Variants in PPARG observed in about 807,000 individuals in gnomAD.
The protein encoded by PPARG is peroxisome proliferator-activated receptor gamma.
Under a neutral mutation model 39.2 loss-of-function variants are expected in PPARG, and 17 were observed. That is an observed-to-expected ratio of 0.43 (90% CI 0.30 to 0.65). The LOEUF is 0.65. PPARG is among the 30% of genes least tolerant of loss of function. PPARG has a pLI of 0.13. For synonymous variants in PPARG, 223 were observed against 215.7 expected, an observed-to-expected ratio of 1.03 and a Z score of -0.30; for missense variants, 406 against 585.9, an observed-to-expected ratio of 0.69 and a Z score of 3.17.
Position 12,434,147 on chromosome 3 carries a change from A to G in PPARG, c.*2A>G, listed in dbSNP as rs774217869. On this transcript the variant is annotated 3_prime_UTR_variant, in exon 8 of 8. Transcript: ENST00000651735. This position sits in a 1 kb window ranked among gnomAD's most constrained non-coding sequence, Gnocchi z 4.2. ...GAGATCTACAAGGACTTGTACTAGC[A>G]GAGAGTCCTGAGCCACTGCCAACAT... 1.2e-6 allele frequency: 2 copies of G among 1,614,038 alleles called. No individual in the cohort carries two copies. Among genetic ancestry groups the G allele is most frequent in the African/African-American group, 2.7e-5 (2 of 74,928 alleles).
intron 2 of PPARG, among the ~76,000 whole-genome samples, chr3:12,359,513 C>G (rs1405501817): frequency 1.3e-5 from 2 of 152,024 alleles, no homozygotes; most frequent in Non-Finnish European, 2.9e-5. Context: ...AGTAACTTCC[C>G]AAACACAAGA....
At chr3:12,351,756 A>G in intron 2 of PPARG, 1 of 1,124,290 alleles carries the variant, frequency 8.9e-7, no homozygotes, top group Non-Finnish European at 1.4e-6. Context: ...TTTGTCTTCC[A>G]GGTTGTGTTT....
intron 6 of PPARG, among the ~76,000 whole-genome samples, chr3:12,408,655 C>G (rs1304223943): frequency 6.9e-6 from 1 of 144,752 alleles, no homozygotes; most frequent in East Asian, 2.0e-4. Flanking sequence ...GCCTTGAACT[C>G]GGGGCTCAAG....
chr3:12,365,242 T>C (rs1053641022), intron 2 of PPARG, among the ~76,000 whole-genome samples: 3 of 152,238 alleles, frequency 2.0e-5, no homozygotes, highest in African/African-American at 7.2e-5. Context: ...TCCCAGGCCA[T>C]GGACTGGTAC....
chr3:12,342,136 T>C (rs1288767701), intron 2 of PPARG, among the ~76,000 whole-genome samples: 2 of 152,214 alleles, frequency 1.3e-5, no homozygotes, highest in African/African-American at 4.8e-5. Flanking sequence ...TCCCCTATGG[T>C]ATATTCAAGC....
intron 4 of PPARG, among the ~76,000 whole-genome samples, chr3:12,383,622 C>T (rs2049766421): frequency 6.6e-6 from 1 of 152,084 alleles, no homozygotes. Context: ...TAAGGTTCCA[C>T]AATAAGTTAT....
chr3:12,326,732 T>TAAA (rs67402367), intron 2 of PPARG, among the ~76,000 whole-genome samples: 22 of 148,496 alleles, frequency 1.5e-4, no homozygotes, highest in African/African-American at 5.0e-4. Context: ...GTGAGATATA[T>TAAA]AAAAAAAAAA....
At chr3:12,334,501 G>A (rs934566962) in intron 2 of PPARG, among the ~76,000 whole-genome samples, 2 of 152,078 alleles carry the variant, frequency 1.3e-5, no homozygotes, top group Admixed American at 6.5e-5. Flanking sequence ...AAAGTGTTGG[G>A]ATTACAGGTG....
chr3:12,320,228 A>ATATG (rs889137722), intron 2 of PPARG, among the ~76,000 whole-genome samples: 32 of 152,228 alleles, frequency 2.1e-4, no homozygotes, highest in African/African-American at 6.7e-4. Flanking sequence ...GTGCATATAT[A>ATATG]TATGTATGTA....
intron 5 of PPARG, among the ~76,000 whole-genome samples, chr3:12,403,684 C>T (rs1189816054): frequency 6.6e-6 from 1 of 151,966 alleles, no homozygotes; most frequent in Non-Finnish European, 1.5e-5. Context: ...TTCTTTTTTC[C>T]AAATATTTTC....
chr3:12,393,190 ATTTTTT>A (rs143287325), intron 5 of PPARG, among the ~76,000 whole-genome samples: 1 of 111,520 alleles, frequency 9.0e-6, no homozygotes, highest in Non-Finnish European at 1.8e-5. Context: ...GATTCATTTA[ATTTTTT>A]TTTTTTTTTT....
rs533893815 is a variant in PPARG, at chr3:12,425,501, C to T, written c.1180+8347C>T. Among the ~76,000 whole-genome samples, 196 of 152,256 alleles carry T rather than the reference C, an allele frequency of 1.3e-3. 1 individual carries two copies. The highest frequency in any genetic ancestry group is 4.4e-3 in the African/African-American group (181 of 41,542). Reference sequence around the variant, plus strand: ...GGTATTCCCTTATCTCTTCCTTTCCCTCCCCTTATCCTGCCCAGAGCATCG... The same window carrying T: ...GGTATTCCCTTATCTCTTCCTTTCCTTCCCCTTATCCTGCCCAGAGCATCG... On this transcript the variant is annotated intron_variant, in intron 7 of 7. Transcript: ENST00000651735.
rs899801733 is a variant in PPARG, at chr3:12,354,235, C to G, written c.-8-25469C>G. 2.0e-5 allele frequency among the ~76,000 whole-genome samples: 3 copies of G among 152,126 alleles called. 1 individual carries two copies. In the South Asian group the frequency reaches 6.2e-4, roughly 31 times the overall value. ...CATGTAGTACCAGGGAATATAAGGA[C>G]CAGTCCTTTGTTGGCCACATATTTG... On this transcript the variant is annotated intron_variant, in intron 2 of 7. Transcript: ENST00000651735.
At chr3:12,363,939 G>A (rs986352451) in intron 2 of PPARG, among the ~76,000 whole-genome samples, 3 of 151,806 alleles carry the variant, frequency 2.0e-5, no homozygotes, top group African/African-American at 7.3e-5. Context: ...GAATTGAGTA[G>A]GAAGTACAAA....
At chr3:12,381,838 AAG>A (rs1463500171) in intron 4 of PPARG, among the ~76,000 whole-genome samples, 3 of 152,206 alleles carry the variant, frequency 2.0e-5, no homozygotes, top group Non-Finnish European at 2.9e-5. Flanking sequence ...TTTTTACAAA[AAG>A]GTGACTTCTC....
At chr3:12,385,886 C>T (rs542941011) in intron 4 of PPARG, among the ~76,000 whole-genome samples, 2 of 152,142 alleles carry the variant, frequency 1.3e-5, no homozygotes, top group African/African-American at 4.8e-5. Context: ...ATTCTGAGGT[C>T]TCATTGTCCC....
Position 12,363,516 on chromosome 3 carries a change from T to A in PPARG, c.-8-16188T>A, listed in dbSNP as rs186580723. ...CACATGGTTTGCCAGACTAAACAAC[T>A]CTGAGTAAGAAAGTGGCTTTCCCCC... On this transcript the variant is annotated intron_variant, in intron 2 of 7. Transcript: ENST00000651735. Among the ~76,000 whole-genome samples, 328 of 152,268 alleles carry A rather than the reference T, an allele frequency of 2.2e-3. 3 individuals carry two copies. The highest frequency in any genetic ancestry group is 3.0e-3 in the Non-Finnish European group (206 of 68,016).
chr3:12,365,857 C>G (rs2048999665), intron 2 of PPARG, among the ~76,000 whole-genome samples: 1 of 152,056 alleles, frequency 6.6e-6, no homozygotes, highest in Non-Finnish European at 1.5e-5. Context: ...CTTTATTCTT[C>G]TTCTTTAATA....
At chr3:12,422,640 G>A (rs916079331) in intron 7 of PPARG, among the ~76,000 whole-genome samples, 26 of 152,116 alleles carry the variant, frequency 1.7e-4, no homozygotes, top group Non-Finnish European at 3.7e-4. Context: ...AACATTTTGG[G>A]AAACCAAAGT....
Sources: gnomAD v4.1 joint callset for allele counts (sites outside exome capture counted in the v4.1 genomes callset) on GRCh38, gnomAD v4.1.1 for gene constraint, Gnocchi (gnomAD v3.1) non-coding constraint, MANE v1.5 for transcripts, NCBI Gene and HGNC (gene_info 2026-07-23, HGNC 2026-07-21) for gene names.